Variants in UBAP2L observed in about 807,000 individuals in gnomAD.
The protein encoded by UBAP2L is ubiquitin-associated protein 2-like.
Under a neutral mutation model 130.6 loss-of-function variants are expected in UBAP2L, and 12 were observed. That is an observed-to-expected ratio of 0.09 (90% confidence interval 0.06 to 0.15). The LOEUF (loss-of-function observed/expected upper bound fraction) is 0.15. Among genes scored for constraint, UBAP2L ranks in the 10% least tolerant of loss-of-function variants. UBAP2L has a pLI of 1.00. For synonymous variants in UBAP2L, 503 were observed against 524.7 expected (o/e 0.96, Z 0.57); for missense variants, 965 against 1,332.5 (o/e 0.72, Z 4.29).
chr1:154,260,798 C>G (rs1416418803), intron 22 of UBAP2L, 94 bp from the exon 23 acceptor site: 2 of 1,241,714 alleles, frequency 1.6e-6, no homozygotes, highest in African/African-American at 1.5e-5. Context: ...AGTCTTTGAA[C>G]AGGATCTCCT....
At chr1:154,269,814 C>T (rs1198473802) in intron 26 of UBAP2L, 3 of 208,142 alleles carry the variant, frequency 1.4e-5, no homozygotes, top group Non-Finnish European at 2.9e-5. Flanking sequence ...TAAGGGCTTC[C>T]TTCCTCAAAG....
At chr1:154,252,142 T>G (rs1375232894) in intron 14 of UBAP2L, among the ~76,000 whole-genome samples, 1 of 150,650 alleles carries the variant, frequency 6.6e-6, no homozygotes, top group Non-Finnish European at 1.5e-5. Context: ...ACCAGCAAAT[T>G]TTTGTATTTT....
intron 1 of UBAP2L, 28 bp downstream of exon 1, chr1:154,221,003 CG>C: frequency 5.3e-6 from 1 of 189,164 alleles, no homozygotes; most frequent in Non-Finnish European, 1.1e-5. Context: ...GCGGCGTTGG[CG>C]GCGGCGGCGG....
At chr1:154,263,517 T>TC in intron 24 of UBAP2L, 3 of 1,036,254 alleles carry the variant, frequency 2.9e-6, no homozygotes, top group Non-Finnish European at 3.5e-6. Context: ...CTGGCGTTCT[T>TC]TCCGTGCATG....
chr1:154,235,482 A>C (rs1671350916), intron 6 of UBAP2L, among the ~76,000 whole-genome samples, 191 bp downstream of exon 6: 1 of 151,878 alleles, frequency 6.6e-6, no homozygotes, highest in African/African-American at 2.4e-5. Flanking sequence ...CCTCCCTAGT[A>C]GCTAAGACTA....
rs774107555 is a variant in UBAP2L, at chr1:154,249,226, T to G, written c.1015-13T>G. On this transcript the variant is annotated splice_polypyrimidine_tract_variant and intron_variant, in intron 11 of 26. Transcript: ENST00000428931. Reference sequence around the variant, plus strand: ...TGGCTGTAGGTTTCTCTCATCTCTTTGTTGATCTACAGGTGAGCATGTTAG... The same window carrying G: ...TGGCTGTAGGTTTCTCTCATCTCTTGGTTGATCTACAGGTGAGCATGTTAG... 3 of 1,613,554 alleles carry G rather than the reference T, an allele frequency of 1.9e-6. No individual in the cohort carries two copies. The Admixed American group carries it at 5.0e-5, about 27-fold the overall frequency.
intron 26 of UBAP2L, chr1:154,269,346 C>G (rs974328449): frequency 1.5e-6 from 2 of 1,332,716 alleles, no homozygotes; most frequent in Non-Finnish European, 2.0e-6. Context: ...TTCCATATAT[C>G]CTGGTTCTGC....
At chr1:154,243,371 G>A (rs937846794) in intron 10 of UBAP2L, 69 bp downstream of exon 10, 5 of 1,436,752 alleles carry the variant, frequency 3.5e-6, no homozygotes, top group Admixed American at 3.5e-5. Context: ...AAGAGAAGTG[G>A]CACTGGCCTT....
In UBAP2L at chr1:154,258,725, T is replaced by C; in HGVS notation, c.2443-252T>C. 6 of 388,676 alleles carry C rather than the reference T, an allele frequency of 1.5e-5. No homozygotes were observed. The South Asian group carries it at 1.9e-4, about 12-fold the overall frequency. The allele number at this position is 388,676 out of a possible 1,614,324, so 24.1% of individuals were successfully genotyped here. A position where few individuals can be genotyped will look rare whatever the true frequency, so the allele number is the denominator to read the frequency against. ...TCGTGTATGTTTTGTGTCTACTCTATTGGTATCAAGAAGCCAGCCTACTAG... is the reference window on the plus strand; with the variant it reads ...TCGTGTATGTTTTGTGTCTACTCTACTGGTATCAAGAAGCCAGCCTACTAG... On this transcript the variant is annotated intron_variant, in intron 20 of 26. Transcript: ENST00000428931.
In UBAP2L at chr1:154,270,560, T is replaced by C; in HGVS notation, c.*265T>C. ...TGCATTCAAGATTATGAAACTTTGC[T>C]ATGGGCCCTGCACTTCCTTTGCTTC... On this transcript the variant is annotated 3_prime_UTR_variant, in exon 27 of 27. Coordinates refer to ENST00000428931, the MANE Select transcript of UBAP2L (RefSeq NM_014847.4). 1 of 1,428,330 alleles carries C rather than the reference T, an allele frequency of 7.0e-7. No homozygotes were observed. Among genetic ancestry groups the C allele is most frequent in the Non-Finnish European group, 9.1e-7 (1 of 1,095,158 alleles). The allele number at this position is 1,428,330 out of a possible 1,614,324, so 88.5% of individuals were successfully genotyped here.
chr1:154,269,118 A>C, intron 26 of UBAP2L, 164 bp downstream of exon 26: 284 of 888,594 alleles, frequency 3.2e-4, no homozygotes, highest in Non-Finnish European at 3.4e-4. Context: ...CGCACATAAC[A>C]CGAGCGGCCG....
In UBAP2L at chr1:154,232,774, C is replaced by T. The variant is rs976937253; in HGVS notation, c.280-1817C>T. ...GTACAGTCACATAACCACGACTCAC[C>T]GCAGCCTCAATCTCCTGGGCTCAAG... On this transcript the variant is annotated intron_variant, in intron 4 of 26. Transcript: ENST00000428931. Among the ~76,000 whole-genome samples, 6 of 152,026 alleles carry T rather than the reference C, an allele frequency of 3.9e-5. No individual in the cohort carries two copies. The South Asian group carries it at 8.3e-4, about 21-fold the overall frequency.
At chr1:154,267,151 GTT>G (rs36051247) in intron 25 of UBAP2L, among the ~76,000 whole-genome samples, 11 of 108,616 alleles carry the variant, frequency 1.0e-4, no homozygotes, top group Admixed American at 1.9e-4. Flanking sequence ...TATCCAACGA[GTT>G]TTTTTTTTTT....
At chr1:154,253,488 CAGTCTCCTGCCTACTCCCAAGTAGCTG>C in intron 14 of UBAP2L, among the ~76,000 whole-genome samples, 1 of 151,302 alleles carries the variant, frequency 6.6e-6, no homozygotes, top group East Asian at 1.9e-4. Context: ...GGGTTCATGC[CAGTCTCCTGCCTACTCCCAAGTAGCTG>C]GGACTACAGG....
intron 10 of UBAP2L, 31 bp from the exon 11 acceptor site, chr1:154,246,173 C>G (rs375280339): frequency 1.1e-5 from 17 of 1,578,606 alleles, no homozygotes; most frequent in Non-Finnish European, 1.4e-5. Flanking sequence ...TTCAGTCATT[C>G]TTCATGAAGA....
upstream of UBAP2L, chr1:154,220,372 A>AT: frequency 6.2e-7 from 1 of 1,614,146 alleles, no homozygotes; most frequent in Non-Finnish European, 8.5e-7. Context: ...CCAGCACGAC[A>AT]TTCACCCCGG....
Position 154,263,340 on chromosome 1 carries a change from ATG to A in UBAP2L, c.2902+1647_2902+1648del, listed in dbSNP as rs1558228739. 6 of 1,420,946 alleles carry A rather than the reference ATG, an allele frequency of 4.2e-6. No individual in the cohort carries two copies. In the African/African-American group the frequency reaches 8.8e-5, roughly 21 times the overall value. The allele number at this position is 1,420,946 out of a possible 1,614,324, so 88.0% of individuals were successfully genotyped here. A position where few individuals can be genotyped will look rare whatever the true frequency, so the allele number is the denominator to read the frequency against. On this transcript the variant is annotated intron_variant, in intron 24 of 26. Coordinates refer to ENST00000428931, the MANE Select transcript of UBAP2L (RefSeq NM_014847.4). ...CCCCTCCCCCATTTCCCTCTCCCCC[ATG>A]TGTCTGACCCTGTCTTACCCATTTC...
In UBAP2L at chr1:154,251,336, T is replaced by G; in HGVS notation, c.1491+18T>G. ...CTTCTAAGGTACTTAAACTTTTAGG[T>G]AGATACCATTTTATGGCAAGGGGTG... On this transcript the variant is annotated intron_variant, in intron 13 of 26. Coordinates refer to ENST00000428931, the MANE Select transcript of UBAP2L (RefSeq NM_014847.4). 1 of 1,599,822 alleles carries G rather than the reference T, an allele frequency of 6.3e-7. No individual in the cohort carries two copies. Among genetic ancestry groups the G allele is most frequent in the Non-Finnish European group, 8.5e-7 (1 of 1,173,790 alleles).
intron 5 of UBAP2L, 50 bp downstream of exon 5, chr1:154,234,809 C>G: frequency 6.4e-7 from 1 of 1,552,264 alleles, no homozygotes; most frequent in Non-Finnish European, 8.7e-7. Flanking sequence ...AATGTCTAGA[C>G]TCTAGGGATG....
Sources: gnomAD v4.1 joint callset for allele counts (sites outside exome capture counted in the v4.1 genomes callset) on GRCh38, gnomAD v4.1.1 for gene constraint, MANE v1.5 for transcripts, NCBI Gene and HGNC (gene_info 2026-07-23, HGNC 2026-07-21) for gene names.